The following RC3H1 variants were observed in gnomAD, a reference collection of about 807,000 sequenced individuals.
RC3H1 encodes roquin-1.
In RC3H1, 50 loss-of-function variants were observed where a neutral mutation model predicts 138.2. The ratio of observed to expected loss-of-function variants is 0.36; its 90% confidence interval spans 0.29 to 0.46. The LOEUF (loss-of-function observed/expected upper bound fraction) is 0.46, where lower values mean the gene tolerates loss of function less well. Among genes scored for constraint, RC3H1 ranks in the 20% least tolerant of loss-of-function variants. RC3H1 has a pLI of 1.00. For synonymous variants in RC3H1, 462 were observed against 489.1 expected, an observed-to-expected ratio of 0.94 and a Z score of 0.73; for missense variants, 1,031 against 1,388.1, an observed-to-expected ratio of 0.74 and a Z score of 4.09.
chr1:173,963,559 AAAT>A (rs1413011880), intron 11 of RC3H1, among the ~76,000 whole-genome samples: 1 of 152,186 alleles, frequency 6.6e-6, no homozygotes, highest in East Asian at 1.9e-4. Flanking sequence ...GGGCCCAGAA[AAAT>A]AATAATTAAA....
chr1:173,981,102 C>A (rs1660795575), intron 5 of RC3H1, 93 bp from the exon 6 acceptor site: 1 of 1,050,844 alleles, frequency 9.5e-7, no homozygotes, highest in Non-Finnish European at 1.4e-6. Context: ...AATTTAGCAT[C>A]AACAGCAAGA....
intron 3 of RC3H1, among the ~76,000 whole-genome samples, chr1:173,984,006 G>C (rs7547880): frequency 0.29 from 43,966 of 152,040 alleles, 11,366 homozygotes; most frequent in African/African-American, 0.7. Context: ...TATATTATTT[G>C]ACAGTGGTTA....
chr1:173,968,213 C>T (rs769585457), intron 9 of RC3H1, among the ~76,000 whole-genome samples: 1 of 152,108 alleles, frequency 6.6e-6, no homozygotes, highest in Non-Finnish European at 1.5e-5. Flanking sequence ...AGTCTAGTTC[C>T]TGTCTAAAAC....
At chr1:173,947,224 T>G in intron 15 of RC3H1, 145 bp downstream of exon 15, 1 of 636,432 alleles carries the variant, frequency 1.6e-6, no homozygotes, top group Non-Finnish European at 2.7e-6. Context: ...TATATTACCT[T>G]TCTTACAGGG....
intron 9 of RC3H1, among the ~76,000 whole-genome samples, chr1:173,965,459 C>T (rs2102945877): frequency 6.6e-6 from 1 of 152,024 alleles, no homozygotes; most frequent in Non-Finnish European, 1.5e-5. Flanking sequence ...GGTGTGGTGG[C>T]GTGTGCCTGT....
In RC3H1 at chr1:173,933,157, C is replaced by A. The variant is rs1658453428; in HGVS notation, c.*5564G>T. 6.6e-6 allele frequency: 1 copy of A among 152,126 alleles called. No homozygotes were observed. Among genetic ancestry groups the A allele is most frequent in the East Asian group, 1.9e-4 (1 of 5,186 alleles). The allele number at this position is 152,126 out of a possible 1,614,324, so 9.4% of individuals were successfully genotyped here. A position where few individuals can be genotyped will look rare whatever the true frequency, so the allele number is the denominator to read the frequency against. On this transcript the variant is annotated 3_prime_UTR_variant, in exon 20 of 20. Transcript: ENST00000367696. ...TATGTTGAGGTTTAAGTTCTTCCCCCTTATTGTGCCTTATTTTCTTGTGAA... is the reference window on the plus strand; with the variant it reads ...TATGTTGAGGTTTAAGTTCTTCCCCATTATTGTGCCTTATTTTCTTGTGAA...
At chr1:173,944,424 G>A (rs1478438715) in intron 17 of RC3H1, among the ~76,000 whole-genome samples, 1 of 152,100 alleles carries the variant, frequency 6.6e-6, no homozygotes, top group Non-Finnish European at 1.5e-5. Context: ...TGCATGTGGT[G>A]GGGGGAAAGC....
intron 1 of RC3H1, among the ~76,000 whole-genome samples, chr1:174,004,711 G>T (rs969955439): frequency 2.0e-5 from 3 of 151,878 alleles, no homozygotes; most frequent in African/African-American, 7.3e-5. Context: ...CCAGCTACTA[G>T]GGAGGCTGAG....
chr1:173,969,924 A>G (rs1571204694), intron 9 of RC3H1, among the ~76,000 whole-genome samples: 1 of 151,656 alleles, frequency 6.6e-6, no homozygotes, highest in African/African-American at 2.4e-5. Context: ...TATAATTTTA[A>G]TTTTTTTTGT....
chr1:173,970,382 G>A (rs1272501429), intron 9 of RC3H1, 123 bp downstream of exon 9: 4 of 729,666 alleles, frequency 5.5e-6, no homozygotes, highest in African/African-American at 1.8e-5. Context: ...TGTTCAAGCT[G>A]TGTTACATTC....
intron 6 of RC3H1, among the ~76,000 whole-genome samples, chr1:173,979,319 C>A (rs938666471): frequency 6.6e-6 from 1 of 152,170 alleles, no homozygotes; most frequent in African/African-American, 2.4e-5. Flanking sequence ...TCAGTTCAGA[C>A]AAGATTAACC....
chr1:174,007,127 C>T (rs1472773034), intron 1 of RC3H1, among the ~76,000 whole-genome samples: 9 of 152,082 alleles, frequency 5.9e-5, no homozygotes, highest in South Asian at 2.1e-4. Context: ...CAGTGGCTCA[C>T]GCCTGTAATC....
chr1:174,016,654 C>T (rs1311188706), intron 1 of RC3H1, among the ~76,000 whole-genome samples: 1 of 151,270 alleles, frequency 6.6e-6, no homozygotes, highest in Non-Finnish European at 1.5e-5. Flanking sequence ...TTTTTTTGTA[C>T]TTAGATCTCC....
rs1336623066 is a variant in RC3H1, at chr1:173,933,828, T to C, written c.*4893A>G. 2 of 152,168 alleles carry C rather than the reference T, an allele frequency of 1.3e-5. No individual in the cohort carries two copies. The highest frequency in any genetic ancestry group is 2.9e-5 in the Non-Finnish European group (2 of 68,004). The allele number at this position is 152,168 out of a possible 1,614,324, so 9.4% of individuals were successfully genotyped here. ...GCTAATGATGAAAGTAAAATTTGCT[T>C]TAGTTTAGTAGGTCTAATTTTTCTT... On this transcript the variant is annotated 3_prime_UTR_variant, in exon 20 of 20. Transcript: ENST00000367696.
intron 1 of RC3H1, among the ~76,000 whole-genome samples, chr1:174,017,783 C>CAAAAAAAAAAAAAAAAAAACAAAAAAA (rs1661886867): frequency 1.4e-5 from 1 of 72,038 alleles, no homozygotes; most frequent in African/African-American, 5.7e-5. Flanking sequence ...TTTTCTTGCT[C>CAAAAAAAAAAAAAAAAAAACAAAAAAA]AAAAAAAAAA....
At chr1:173,975,839 A>C (rs1660553090) in intron 7 of RC3H1, among the ~76,000 whole-genome samples, 1 of 89,094 alleles carries the variant, frequency 1.1e-5, no homozygotes. Context: ...CGGAGCTTGC[A>C]GTGAGCCGAG....
chr1:173,972,184 A>G (rs1252751559), intron 8 of RC3H1, among the ~76,000 whole-genome samples: 1 of 152,224 alleles, frequency 6.6e-6, no homozygotes, highest in Non-Finnish European at 1.5e-5. Context: ...TAAAGAGAAT[A>G]ATAATCTTAT....
At chr1:174,007,050 C>T (rs1661665641) in intron 1 of RC3H1, among the ~76,000 whole-genome samples, 1 of 152,104 alleles carries the variant, frequency 6.6e-6, no homozygotes, top group Non-Finnish European at 1.5e-5. Flanking sequence ...AATATCACTA[C>T]TATCCCAACT....
chr1:173,983,315 C>T (rs1017667487), intron 4 of RC3H1, 103 bp downstream of exon 4: 28 of 1,385,624 alleles, frequency 2.0e-5, no homozygotes, highest in Non-Finnish European at 2.7e-5. Flanking sequence ...TAGTTGGTAA[C>T]AATAAAATAC....
Sources: allele counts gnomAD v4.1 joint callset (sites outside exome capture counted in the v4.1 genomes callset), GRCh38; gene constraint gnomAD v4.1.1; transcripts MANE v1.5; gene names NCBI Gene and HGNC (gene_info 2026-07-23, HGNC 2026-07-21).